Variants in TGFBR3 observed in about 807,000 individuals in gnomAD.
The protein encoded by TGFBR3 is transforming growth factor beta receptor type 3.
A neutral mutation model predicts 87.9 loss-of-function variants in TGFBR3; 46 were observed. That is an observed-to-expected ratio of 0.52 (90% CI 0.41 to 0.67). The LOEUF (loss-of-function observed/expected upper bound fraction) is 0.67. Among genes scored for constraint, TGFBR3 ranks in the 30% least tolerant of loss-of-function variants. The pLI, the probability that TGFBR3 is intolerant of heterozygous loss-of-function variation, is 0.00. For missense variants in TGFBR3, 866 were observed against 1,041.9 expected (o/e 0.83, Z 2.32); for synonymous variants, 381 against 391.6 (o/e 0.97, Z 0.32).
At chr1:91,888,810 G>C (rs1205239506), upstream of TGFBR3, among the ~76,000 whole-genome samples, 1 of 152,172 alleles carries the variant, frequency 6.6e-6, no homozygotes, top group Non-Finnish European at 1.5e-5. Flanking sequence ...GAAGTGACTG[G>C]TCCCCGTAGA....
At chr1:91,844,029 G>A (rs1266849837) in intron 2 of TGFBR3, among the ~76,000 whole-genome samples, 1 of 152,194 alleles carries the variant, frequency 6.6e-6, no homozygotes, top group Non-Finnish European at 1.5e-5. Flanking sequence ...CGGCCTGATG[G>A]AAAGGCACAA....
intron 15 of TGFBR3, among the ~76,000 whole-genome samples, chr1:91,696,272 A>G (rs1671431586): frequency 6.6e-6 from 1 of 152,246 alleles, no homozygotes; most frequent in South Asian, 2.1e-4. Flanking sequence ...GTGAACATTT[A>G]CAAGTATGAA....
At chr1:91,688,550 C>T (rs1310575915) in intron 16 of TGFBR3, among the ~76,000 whole-genome samples, 3 of 152,106 alleles carry the variant, frequency 2.0e-5, no homozygotes, top group African/African-American at 4.8e-5. Context: ...ACAAGAAATG[C>T]GTAATAAAAG....
chr1:91,804,849 C>G (rs1024468038), intron 2 of TGFBR3, among the ~76,000 whole-genome samples: 5 of 152,182 alleles, frequency 3.3e-5, no homozygotes, highest in African/African-American at 1.2e-4. Context: ...GTCTTCCCTA[C>G]GCAATCTCTT....
chr1:91,797,492 A>T (rs775604766), intron 2 of TGFBR3, 21 bp from the exon 3 acceptor site: 1 of 1,614,076 alleles, frequency 6.2e-7, no homozygotes, highest in South Asian at 1.1e-5. Context: ...AATCACAAAC[A>T]CAAGCCACTC....
chr1:91,800,043 A>G (rs1675540414), intron 2 of TGFBR3, among the ~76,000 whole-genome samples: 1 of 151,862 alleles, frequency 6.6e-6, no homozygotes, highest in South Asian at 2.1e-4. Flanking sequence ...AAGAAAAGAG[A>G]AAGCAATGCA....
At chr1:91,716,052 T>C (rs1236900667) in intron 12 of TGFBR3, among the ~76,000 whole-genome samples, 184 bp downstream of exon 12, 1 of 152,148 alleles carries the variant, frequency 6.6e-6, no homozygotes, top group East Asian at 1.9e-4. Flanking sequence ...GTATTAAATC[T>C]TGAAATTTCC....
rs139950605 is a variant in TGFBR3, at chr1:91,856,714, T to C, written c.61+4757A>G. 2.0e-5 allele frequency among the ~76,000 whole-genome samples: 3 copies of C among 152,354 alleles called. No individual in the cohort carries two copies. In the East Asian group the frequency reaches 5.8e-4, roughly 29 times the overall value. Reference sequence around the variant, plus strand: ...CAGAATATGAATAAAGAAGGCCCACTACTTGAGGGTCCTTCTGCTCTGATG... The same window carrying C: ...CAGAATATGAATAAAGAAGGCCCACCACTTGAGGGTCCTTCTGCTCTGATG... On this transcript the variant is annotated intron_variant, in intron 2 of 16. Transcript: ENST00000212355.
intron 2 of TGFBR3, among the ~76,000 whole-genome samples, chr1:91,894,150 CATCTGCCGATTTT>C: frequency 6.6e-6 from 1 of 152,280 alleles, no homozygotes; most frequent in East Asian, 1.9e-4. Flanking sequence ...CTTCCCACCA[CATCTGCCGATTTT>C]ATCTATGCGT....
At chr1:91,806,204 T>C (rs1675820695) in intron 2 of TGFBR3, among the ~76,000 whole-genome samples, 1 of 152,192 alleles carries the variant, frequency 6.6e-6, no homozygotes, top group Non-Finnish European at 1.5e-5. Flanking sequence ...AAGATCTCGC[T>C]ATAACATCAA....
chr1:91,868,551 T>G (rs1678465151), intron 1 of TGFBR3, among the ~76,000 whole-genome samples: 1 of 152,194 alleles, frequency 6.6e-6, no homozygotes, highest in South Asian at 2.1e-4. Flanking sequence ...TTCTCGATTC[T>G]ATTTGATGAT....
intron 2 of TGFBR3, among the ~76,000 whole-genome samples, chr1:91,824,142 A>G (rs900536135): frequency 6.6e-6 from 1 of 152,188 alleles, no homozygotes; most frequent in Non-Finnish European, 1.5e-5. Flanking sequence ...AAATAAATAT[A>G]TAAATAAATA....
chr1:91,705,591 G>C (rs1298051737), intron 14 of TGFBR3, among the ~76,000 whole-genome samples: 1 of 152,128 alleles, frequency 6.6e-6, no homozygotes, highest in Non-Finnish European at 1.5e-5. Context: ...GACTCCAGTG[G>C]TCTGCATTGA....
chr1:91,712,221 G>A (rs760780616), intron 13 of TGFBR3, 22 bp downstream of exon 13: 21 of 1,611,306 alleles, frequency 1.3e-5, no homozygotes, highest in East Asian at 2.2e-5. Context: ...ATAACCATCC[G>A]AATGGATGAA....
chr1:91,725,556 G>A (rs751507187), intron 7 of TGFBR3, among the ~76,000 whole-genome samples: 1 of 152,168 alleles, frequency 6.6e-6, no homozygotes, highest in Non-Finnish European at 1.5e-5. Context: ...ACTTACATGC[G>A]CAGGCCCTGT....
rs568399489 is a variant in TGFBR3 at position 91,710,218 on chromosome 1, C to G, written c.2167-1435G>C. 7.4e-4 allele frequency among the ~76,000 whole-genome samples: 113 copies of G among 152,242 alleles called. 2 individuals are homozygous for G. Among genetic ancestry groups the G allele is most frequent in the Non-Finnish European group, 1.4e-3 (97 of 68,016 alleles). ...GCCTTGCTGTCATTGCTGCTCTGAG[C>G]AACATGCCAGTCAGACACTTCTTAT... On this transcript the variant is annotated intron_variant, in intron 13 of 16. Coordinates refer to ENST00000212355, the MANE Select transcript of TGFBR3 (RefSeq NM_003243.5).
At chr1:91,860,067 A>G (rs1678120060) in intron 2 of TGFBR3, among the ~76,000 whole-genome samples, 1 of 152,184 alleles carries the variant, frequency 6.6e-6, no homozygotes, top group African/African-American at 2.4e-5. Context: ...TTTCTTCAGT[A>G]TAACACAGAG....
Position 91,722,092 on chromosome 1 carries a change from G to A in TGFBR3, c.938C>T (p.Thr313Ile). ...GKESERSMTM[T>I]KSIRDDIPST... ...AGGAATGTCATCTCTTATTGATTTG[G>A]TCATTGTCATAGATCTTTCACTCTC... Residue 313 changes from threonine to isoleucine, a missense_variant, in exon 8 of 17, where the codon ACC (threonine) becomes ATC (isoleucine). Physicochemically the swap from Thr to Ile is moderately conservative, Grantham distance 89. Coordinates refer to ENST00000212355, the MANE Select transcript of TGFBR3 (RefSeq NM_003243.5). The A allele has an allele frequency of 1.2e-6, 2 of 1,613,812 alleles. No homozygotes were observed. Among genetic ancestry groups the A allele is most frequent in the Non-Finnish European group, 1.7e-6 (2 of 1,179,894 alleles).
intron 2 of TGFBR3, among the ~76,000 whole-genome samples, chr1:91,853,878 C>A (rs1395750605): frequency 5.9e-5 from 9 of 151,988 alleles, no homozygotes; most frequent in East Asian, 1.9e-4. Context: ...CCAGGTGTGG[C>A]GGCGCATGCC....
Sources: allele counts gnomAD v4.1 joint callset (sites outside exome capture counted in the v4.1 genomes callset), GRCh38; gene constraint gnomAD v4.1.1; transcripts MANE v1.5; gene names NCBI Gene and HGNC (gene_info 2026-07-23, HGNC 2026-07-21).